The following EFCAB5 variants were observed in gnomAD, a reference collection of about 807,000 sequenced individuals.
EFCAB5 encodes the protein EF-hand calcium-binding domain-containing protein 5.
Under a neutral mutation model 167.9 loss-of-function variants are expected in EFCAB5, and 131 were observed. The ratio of observed to expected loss-of-function variants is 0.78; its 90% CI spans 0.68 to 0.90. The LOEUF (loss-of-function observed/expected upper bound fraction) is 0.90. Among genes scored for constraint, EFCAB5 ranks in the 40% least tolerant of loss-of-function variants. The pLI, the probability that EFCAB5 is intolerant of heterozygous loss-of-function variation, is 0.00. For missense variants in EFCAB5, 1,663 were observed against 1,745.2 expected, an observed-to-expected ratio of 0.95 and a Z score of 0.84; for synonymous variants, 574 against 602.8, an observed-to-expected ratio of 0.95 and a Z score of 0.70.
intron 2 of EFCAB5, 96 bp from the exon 3 acceptor site, chr17:29,943,469 C>G: frequency 9.3e-7 from 1 of 1,079,440 alleles, no homozygotes; most frequent in Non-Finnish European, 1.3e-6. Context: ...TTAACTCTTA[C>G]AAAGCAATTA....
At chr17:29,981,553 C>T (rs78592814) in intron 4 of EFCAB5, among the ~76,000 whole-genome samples, 1,948 of 152,302 alleles carry the variant, frequency 0.013, 18 homozygotes, top group Non-Finnish European at 0.022. Flanking sequence ...TGGTGGTTTC[C>T]TCTGCTACAA....
chr17:30,016,013 T>C (rs948584681), intron 7 of EFCAB5, among the ~76,000 whole-genome samples: 1 of 151,998 alleles, frequency 6.6e-6, no homozygotes, highest in African/African-American at 2.4e-5. Context: ...TCCCAACTTA[T>C]TGGTCATTAC....
At chr17:30,065,532 G>T in intron 14 of EFCAB5, 2 of 152,196 alleles carry the variant, frequency 1.3e-5, no homozygotes, top group Non-Finnish European at 1.5e-5. Flanking sequence ...GTGGTGGCAT[G>T]CGCCTGTAGT....
At chr17:29,943,732 G>C in intron 3 of EFCAB5, 83 bp downstream of exon 3, 1 of 1,235,186 alleles carries the variant, frequency 8.1e-7, no homozygotes, top group Non-Finnish European at 1.1e-6. Flanking sequence ...CCAGCACTTT[G>C]GGAGGCCGAG....
At position 30,069,184 on chromosome 17, in the gene EFCAB5, G is replaced by C. The variant is rs1172759090; in HGVS notation, c.2738-9031G>C. On this transcript the variant is annotated intron_variant, in intron 14 of 22. Coordinates refer to ENST00000394835, the MANE Select transcript of EFCAB5 (RefSeq NM_198529.4). ...AAGAGAATCCACATCTTCTGAGAAA[G>C]TTTCACAGTGTCCTTCAAAAGACTG... 1.9e-6 allele frequency: 3 copies of C among 1,548,526 alleles called. No individual in the cohort carries two copies. The East Asian group carries it at 6.7e-5, about 35-fold the overall frequency.
rs1316110554 is a variant in EFCAB5 at position 30,055,944 on chromosome 17, A to G, written c.2251A>G (p.Ile751Val). The change falls in exon 11 of 23, where the codon ATA becomes GTA. Residue 751 changes from isoleucine to valine, a missense_variant. Coordinates refer to ENST00000394835, the MANE Select transcript of EFCAB5 (RefSeq NM_198529.4). The stretch of plus-strand genomic sequence containing the variant: ...GCCCTGTGAACCCAAGTCCCAAAAA[A>G]TAGAAGGAAAGTCATGGTCAGGTAA... ...DKPCEPKSQK[I>V]EGKSWSGEFF... 1 of 1,613,784 alleles carries G rather than the reference A, an allele frequency of 6.2e-7. No individual in the cohort carries two copies. The highest frequency in any genetic ancestry group is 1.7e-5 in the Admixed American group (1 of 60,010).
chr17:30,107,280 A>G (rs941269266), intron 22 of EFCAB5, among the ~76,000 whole-genome samples: 1 of 152,250 alleles, frequency 6.6e-6, no homozygotes, highest in African/African-American at 2.4e-5. Context: ...AAGTATAGAG[A>G]ATAATACCTG....
At chr17:30,054,915 T>C (rs1417707357) in intron 10 of EFCAB5, among the ~76,000 whole-genome samples, 4 of 152,208 alleles carry the variant, frequency 2.6e-5, no homozygotes. Flanking sequence ...TTATTTTACC[T>C]AATAATGGCT....
intron 8 of EFCAB5, among the ~76,000 whole-genome samples, 153 bp downstream of exon 8, chr17:30,034,538 A>C (rs1451169116): frequency 6.6e-6 from 1 of 152,204 alleles, no homozygotes; most frequent in Non-Finnish European, 1.5e-5. Flanking sequence ...ATATCTACAA[A>C]ATAGATACAA....
chr17:29,942,401 A>G lies in EFCAB5; in HGVS notation c.105+99A>G, dbSNP rs541623524. 6.1e-6 allele frequency: 7 copies of G among 1,149,202 alleles called. No individual in the cohort carries two copies. In the East Asian group the frequency reaches 1.9e-4, roughly 31 times the overall value. 71.2% of individuals were successfully genotyped at this position (1,149,202 alleles called of 1,614,324 possible). A position where few individuals can be genotyped will look rare whatever the true frequency, so the allele number is the denominator to read the frequency against. ...AGAAAAGATGTGGGTATTCAAAAAG[A>G]TAACTAAAATTGCAAAAGGAAAAGG... On this transcript the variant is annotated intron_variant, in intron 2 of 22. Coordinates refer to ENST00000394835, the MANE Select transcript of EFCAB5 (RefSeq NM_198529.4).
chr17:30,063,535 G>C (rs1438881676), intron 14 of EFCAB5, among the ~76,000 whole-genome samples: 1 of 152,122 alleles, frequency 6.6e-6, no homozygotes, highest in African/African-American at 2.4e-5. Context: ...AAGCTGCTAG[G>C]GGGTGCCTCA....
chr17:30,102,484 C>T (rs2071394769), intron 22 of EFCAB5, among the ~76,000 whole-genome samples: 1 of 152,050 alleles, frequency 6.6e-6, no homozygotes, highest in Non-Finnish European at 1.5e-5. Context: ...GATTCTCCTG[C>T]CTCAGCCTCC....
intron 14 of EFCAB5, chr17:30,068,515 G>A (rs2070639702): frequency 1.7e-6 from 1 of 584,180 alleles, no homozygotes; most frequent in Admixed American, 3.6e-5. Context: ...AAAATGGAAA[G>A]ACATCTCATG....
In EFCAB5 at chr17:30,054,150, T is replaced by C. The variant is rs761183229; in HGVS notation, c.2194+2T>C. 1.8e-5 allele frequency: 28 copies of C among 1,530,422 alleles called. No homozygotes were observed. Among genetic ancestry groups the C allele is most frequent in the Middle Eastern group, 3.4e-4 (2 of 5,822 alleles). 94.8% of individuals were successfully genotyped at this position (1,530,422 alleles called of 1,614,324 possible). On this transcript the variant is annotated splice_donor_variant, in intron 10 of 22. Coordinates refer to ENST00000394835, the MANE Select transcript of EFCAB5 (RefSeq NM_198529.4). LOFTEE classifies it high-confidence loss of function. ...TAAGCAGAAAAGATCACTTTCCAGG[T>C]AGTAATGCAGTTCTTCTACAACATC...
intron 22 of EFCAB5, among the ~76,000 whole-genome samples, chr17:30,096,956 G>A (rs1410439286): frequency 6.7e-6 from 1 of 148,468 alleles, no homozygotes; most frequent in Non-Finnish European, 1.5e-5. Flanking sequence ...TGGGGTTACA[G>A]GCATGAGCCA....
chr17:30,043,167 C>T (rs1415213708), intron 8 of EFCAB5, among the ~76,000 whole-genome samples: 2 of 152,024 alleles, frequency 1.3e-5, no homozygotes, highest in Non-Finnish European at 2.9e-5. Context: ...GACCAAAAAA[C>T]AAAATCATAT....
intron 8 of EFCAB5, among the ~76,000 whole-genome samples, chr17:30,049,994 T>C (rs1333698257): frequency 6.6e-6 from 1 of 152,192 alleles, no homozygotes; most frequent in East Asian, 1.9e-4. Flanking sequence ...TTTTTTTTAA[T>C]TATGGTGTTT....
At chr17:29,960,073 G>A (rs1221582760) in intron 3 of EFCAB5, among the ~76,000 whole-genome samples, 1 of 152,166 alleles carries the variant, frequency 6.6e-6, no homozygotes, top group African/African-American at 2.4e-5. Flanking sequence ...GGCACCAGCT[G>A]AATTCTACCC....
intron 18 of EFCAB5, among the ~76,000 whole-genome samples, chr17:30,083,739 C>G (rs2151839097): frequency 1.3e-5 from 2 of 152,266 alleles, no homozygotes; most frequent in East Asian, 3.9e-4. Context: ...CAGGCGTGAG[C>G]CACAGTGCCC....
Sources: allele counts gnomAD v4.1 joint callset (sites outside exome capture counted in the v4.1 genomes callset), GRCh38; gene constraint gnomAD v4.1.1; transcripts MANE v1.5; gene names NCBI Gene and HGNC (gene_info 2026-07-23, HGNC 2026-07-21).